Variants in HLA-DQB1 observed in about 807,000 individuals in gnomAD.
The protein encoded by HLA-DQB1 is HLA class II histocompatibility antigen, DQ beta 1 chain.
HLA-DQB1 carries 13 observed loss-of-function variants against 26.4 expected under a neutral mutation model. The observed-to-expected ratio is 0.49, with a 90% CI of 0.32 to 0.78. The LOEUF is 0.78. Ranked by LOEUF, HLA-DQB1 falls within the 30% of genes least tolerant of loss-of-function variation. HLA-DQB1 has a pLI of 0.03. For missense variants in HLA-DQB1, 158 were observed against 326.2 expected, an observed-to-expected ratio of 0.48 and a Z score of 3.97; for synonymous variants, 60 against 129.1, an observed-to-expected ratio of 0.46 and a Z score of 3.63.
Position 32,663,193 on chromosome 6 carries a change from C to G in HLA-DQB1, c.380-945G>C, listed in dbSNP as rs281863484. 113 of 128,402 alleles carry G rather than the reference C, an allele frequency of 8.8e-4. 2 individuals carry two copies. The highest frequency in any genetic ancestry group is 3.1e-3 in the African/African-American group (113 of 36,150). 8.0% of individuals were successfully genotyped at this position (128,402 alleles called of 1,614,324 possible). A position where few individuals can be genotyped will look rare whatever the true frequency, so the allele number is the denominator to read the frequency against. On this transcript the variant is annotated intron_variant, in intron 2 of 4. Transcript: ENST00000434651. ...CCTTATAAGATTTGTTCATCTTCAA[C>G]AGACTGGGAGTAAAAATAGAGGGCA...
intron 4 of HLA-DQB1, 110 bp downstream of exon 4, chr6:32,661,237 C>CA: frequency 2.3e-6 from 1 of 437,372 alleles, no homozygotes; most frequent in Non-Finnish European, 3.7e-6. Flanking sequence ...CCTGTCTCCT[C>CA]GCACTTCTTC....
intron 1 of HLA-DQB1, among the ~76,000 whole-genome samples, chr6:32,666,213 C>T (rs281861093): frequency 6.6e-6 from 1 of 151,242 alleles, no homozygotes; most frequent in Non-Finnish European, 1.5e-5. Context: ...AAAATAACCC[C>T]ATGCTCACTT....
rs1130389 is a variant in HLA-DQB1, at chr6:32,664,850, C to G, written c.327G>C (p.Thr109=). The G allele has an allele frequency of 2.5e-3, 2,597 of 1,052,798 alleles. 417 individuals carry two copies. Among genetic ancestry groups the G allele is most frequent in the Admixed American group, 0.018 (801 of 44,792 alleles). 65.2% of individuals were successfully genotyped at this position (1,052,798 alleles called of 1,614,324 possible). A position where few individuals can be genotyped will look rare whatever the true frequency, so the allele number is the denominator to read the frequency against. The change falls in exon 2 of 5, where the codon ACG becomes ACC. Residue 109 remains threonine, a synonymous_variant. Coordinates refer to ENST00000434651, the Ensembl canonical transcript of HLA-DQB1. ...CCACCTCGTAGTTGTGTCTGCACAC[C>G]GTGTCCAACTCCGCCCGGGTCCCCT...
At chr6:32,666,572 G>C (rs756234491) in exon 1 of HLA-DQB1, 11 of 1,194,990 alleles carry the variant, frequency 9.2e-6, no homozygotes, top group African/African-American at 1.5e-5. Context: ...CTACCCGAAG[G>C]TCTCCGGGGA....
At chr6:32,662,486 A>C in intron 2 of HLA-DQB1, 1 of 224,164 alleles carries the variant, frequency 4.5e-6, no homozygotes, top group Non-Finnish European at 7.2e-6. Flanking sequence ...ACAGCAAAAA[A>C]CAAAAAGAAT....
chr6:32,660,146 A>G (rs1063348), exon 5 of HLA-DQB1: 85,319 of 546,288 alleles, frequency 0.16, 22,264 homozygotes, highest in Admixed American at 0.37. Context: ...CAGGGGGACA[A>G]GCTGACACAG....
chr6:32,664,706 A>G (rs9274361), intron 2 of HLA-DQB1, 92 bp downstream of exon 2: 93,866 of 369,922 alleles, frequency 0.25, 35,160 homozygotes, highest in South Asian at 0.4. Flanking sequence ...CTGGGCTCAG[A>G]TTTCAGAGAC....
At chr6:32,660,381 C>A in intron 4 of HLA-DQB1, 132 bp from the exon 5 acceptor site, 1 of 465,556 alleles carries the variant, frequency 2.1e-6, no homozygotes, top group East Asian at 4.3e-5. Flanking sequence ...CATCACCTCC[C>A]CCAAGATCTG....
chr6:32,666,042 G>A (rs28746833), intron 1 of HLA-DQB1, among the ~76,000 whole-genome samples: 49,810 of 95,858 alleles, frequency 0.52, 14,283 homozygotes, highest in East Asian at 0.74. Context: ...TGCTCCACTC[G>A]GTCAGGAATA....
chr6:32,663,866 T>G (rs116132619), intron 2 of HLA-DQB1: 1 of 124,724 alleles, frequency 8.0e-6, no homozygotes, highest in Non-Finnish European at 1.8e-5. Context: ...AAACTTCTGA[T>G]CTTTGCATAG....
At chr6:32,665,908 AT>A (rs1784052604) in intron 1 of HLA-DQB1, among the ~76,000 whole-genome samples, 1 of 85,410 alleles carries the variant, frequency 1.2e-5, no homozygotes, top group Non-Finnish European at 2.5e-5. Flanking sequence ...TCAGTCCACC[AT>A]TAACTCGGGT....
At chr6:32,666,544 G>A in exon 1 of HLA-DQB1, 1 of 1,194,946 alleles carries the variant, frequency 8.4e-7, no homozygotes, top group Non-Finnish European at 1.2e-6. Context: ...AGCATCGCCA[G>A]CATCAAGGTG....
intron 1 of HLA-DQB1, 71 bp from the exon 2 acceptor site, chr6:32,665,138 C>T: frequency 1.1e-6 from 1 of 922,686 alleles, no homozygotes. Context: ...CCTGACCCGG[C>T]CTGGAGCTGT....
intron 3 of HLA-DQB1, 122 bp downstream of exon 3, chr6:32,661,842 GTGC>G: frequency 1.3e-6 from 1 of 787,674 alleles, no homozygotes; most frequent in South Asian, 1.9e-5. Flanking sequence ...GGAGCAAGAG[GTGC>G]TCTAGTCTCC....
chr6:32,665,647 A>G (rs281861539), intron 1 of HLA-DQB1, among the ~76,000 whole-genome samples: 1 of 117,926 alleles, frequency 8.5e-6, no homozygotes, highest in African/African-American at 3.1e-5. Flanking sequence ...ACATTTATTC[A>G]TGGAAAGAGC....
intron 2 of HLA-DQB1, chr6:32,664,579 C>A (rs9274345): frequency 0.018 from 4,436 of 242,020 alleles, 783 homozygotes; most frequent in Admixed American, 0.047. Context: ...CTGGGGGGGA[C>A]ACTAGGCAGC....
At position 32,659,911 on chromosome 6, in the gene HLA-DQB1, T is replaced by TA. The variant is rs756361095; in HGVS notation, c.*324dup. On this transcript the variant is annotated 3_prime_UTR_variant, in exon 5 of 5. Coordinates refer to ENST00000434651, the Ensembl canonical transcript of HLA-DQB1. ...TAACTCAGGATCATGTTTAATTATG[T>TA]AAAAAAGCTCTAAAGTCAGGTAATG... The TA allele has an allele frequency of 1.6e-3, 303 of 194,028 alleles. 1 individual carries two copies. The highest frequency in any genetic ancestry group is 3.9e-3 in the South Asian group (27 of 6,926). 12.0% of individuals were successfully genotyped at this position (194,028 alleles called of 1,614,324 possible).
intron 2 of HLA-DQB1, 135 bp downstream of exon 2, chr6:32,664,663 G>C (rs9280053): frequency 4.7e-3 from 811 of 170,750 alleles, no homozygotes; most frequent in Middle Eastern, 6.7e-3. Flanking sequence ...CCACCACCCC[G>C]CCGCCGCCTC....
intron 4 of HLA-DQB1, 80 bp from the exon 5 acceptor site, chr6:32,660,329 T>C: frequency 1.4e-6 from 1 of 703,414 alleles, no homozygotes; most frequent in South Asian, 2.0e-5. Context: ...AGGGGCCCCC[T>C]GCAGCTTCAG....
Sources: allele counts gnomAD v4.1 joint callset (sites outside exome capture counted in the v4.1 genomes callset), GRCh38; gene constraint gnomAD v4.1.1; transcripts MANE v1.5; gene names NCBI Gene and HGNC (gene_info 2026-07-23, HGNC 2026-07-21).